GALNT1: variants seen among roughly 807,000 people sequenced by gnomAD.
GALNT1 encodes GalNAc transferase 1.
In GALNT1, 17 loss-of-function variants were observed where a neutral mutation model predicts 65.7. That is an observed-to-expected ratio of 0.26 (90% CI 0.18 to 0.39). GALNT1 has a LOEUF of 0.39. Ranked by LOEUF, GALNT1 falls within the 10% of genes least tolerant of loss-of-function variation. GALNT1 has a pLI of 1.00. For missense variants in GALNT1, 460 were observed against 672.8 expected (o/e 0.68, Z 3.50); for synonymous variants, 210 against 219.7 (o/e 0.96, Z 0.39).
At chr18:35,646,075 A>C (rs1484270419) in intron 1 of GALNT1, among the ~76,000 whole-genome samples, 5 of 152,164 alleles carry the variant, frequency 3.3e-5, no homozygotes, top group Non-Finnish European at 7.3e-5. Context: ...CCACGGGCTT[A>C]CCAGGAAGCA....
chr18:35,610,156 G>T (rs1282149551), intron 1 of GALNT1, among the ~76,000 whole-genome samples: 3 of 152,196 alleles, frequency 2.0e-5, no homozygotes, highest in African/African-American at 7.2e-5. Flanking sequence ...TAATTGGGCA[G>T]CTGGGAGTGG....
At chr18:35,679,108 A>C (rs1182262410) in intron 4 of GALNT1, among the ~76,000 whole-genome samples, 1 of 152,188 alleles carries the variant, frequency 6.6e-6, no homozygotes, top group East Asian at 1.9e-4. Context: ...GTAAAGAAAT[A>C]ATTGTTGACA....
intron 5 of GALNT1, among the ~76,000 whole-genome samples, chr18:35,686,735 CAAAA>C (rs1180700342): frequency 6.7e-6 from 1 of 150,054 alleles, no homozygotes; most frequent in Non-Finnish European, 1.5e-5. Context: ...ATATAAAAAA[CAAAA>C]AAAAAATTTT....
intron 9 of GALNT1, among the ~76,000 whole-genome samples, chr18:35,694,365 AAAAG>A (rs758429358): frequency 6.6e-6 from 1 of 152,210 alleles, no homozygotes; most frequent in South Asian, 2.1e-4. Context: ...TTAAAGATGC[AAAAG>A]AAAGAGCCAA....
rs901371795 is a variant in GALNT1, at chr18:35,711,256, T to C, written c.*1486T>C. Reference sequence around the variant, plus strand: ...TTGGCAAAAATGCATATATTTTCTTTCATATTTGTAAAATTATATTTAATG... The same window carrying C: ...TTGGCAAAAATGCATATATTTTCTTCCATATTTGTAAAATTATATTTAATG... On this transcript the variant is annotated 3_prime_UTR_variant, in exon 12 of 12. Coordinates refer to ENST00000269195, the MANE Select transcript of GALNT1 (RefSeq NM_020474.4). 2.0e-5 allele frequency: 3 copies of C among 152,578 alleles called. No individual in the cohort carries two copies. The highest frequency in any genetic ancestry group is 2.9e-5 in the Non-Finnish European group (2 of 68,030). 9.5% of individuals were successfully genotyped at this position (152,578 alleles called of 1,614,324 possible). A position where few individuals can be genotyped will look rare whatever the true frequency, so the allele number is the denominator to read the frequency against.
At chr18:35,699,201 C>A (rs2048114396) in intron 9 of GALNT1, among the ~76,000 whole-genome samples, 1 of 152,162 alleles carries the variant, frequency 6.6e-6, no homozygotes, top group Non-Finnish European at 1.5e-5. Context: ...ATTATCATAA[C>A]ATAATTCATA....
At chr18:35,613,869 G>C (rs1568015841) in intron 1 of GALNT1, among the ~76,000 whole-genome samples, 1 of 142,006 alleles carries the variant, frequency 7.0e-6, no homozygotes, top group African/African-American at 2.8e-5. Context: ...CTACCTTAAT[G>C]GTGGGGGAAA....
intron 1 of GALNT1, among the ~76,000 whole-genome samples, chr18:35,582,899 G>T (rs1176770266): frequency 3.3e-5 from 5 of 152,170 alleles, no homozygotes. Flanking sequence ...AACCACATGT[G>T]ACTATTAAAA....
At chr18:35,620,878 T>C (rs2144105801) in intron 1 of GALNT1, among the ~76,000 whole-genome samples, 1 of 152,146 alleles carries the variant, frequency 6.6e-6, no homozygotes, top group African/African-American at 2.4e-5. Context: ...GAAGTGAAAT[T>C]AGTGAGTGAT....
intron 6 of GALNT1, among the ~76,000 whole-genome samples, chr18:35,687,572 A>T (rs923143521): frequency 6.6e-6 from 1 of 152,198 alleles, no homozygotes; most frequent in African/African-American, 2.4e-5. Context: ...TAAAATGTAC[A>T]ATTTTAAATT....
upstream of GALNT1, chr18:35,581,613 GC>G (rs2046315894): frequency 6.2e-5 from 4 of 64,168 alleles, no homozygotes; most frequent in African/African-American, 2.5e-4. Context: ...GCCCGGAGTA[GC>G]GCCGCCCGAG....
intron 1 of GALNT1, among the ~76,000 whole-genome samples, chr18:35,622,055 A>T (rs1276955723): frequency 2.0e-5 from 3 of 152,120 alleles, no homozygotes; most frequent in African/African-American, 7.2e-5. Flanking sequence ...TTGCTCTTCC[A>T]TGTAATTTTA....
At chr18:35,693,837 T>C (rs138345285) in intron 9 of GALNT1, among the ~76,000 whole-genome samples, 8 of 152,128 alleles carry the variant, frequency 5.3e-5, no homozygotes, top group Admixed American at 5.2e-4. Flanking sequence ...CTGTATGAGG[T>C]CACCTGAGGA....
At chr18:35,691,751 T>C (rs1217874675) in intron 8 of GALNT1, among the ~76,000 whole-genome samples, 1 of 152,190 alleles carries the variant, frequency 6.6e-6, no homozygotes, top group Admixed American at 6.5e-5. Context: ...CAGCTATAAG[T>C]CGGCCTGACA....
chr18:35,593,487 C>A (rs113022710), intron 1 of GALNT1, among the ~76,000 whole-genome samples: 1 of 152,030 alleles, frequency 6.6e-6, no homozygotes, highest in East Asian at 1.9e-4. Flanking sequence ...AGGAGCAGAA[C>A]CTATTATTAG....
At chr18:35,670,330 G>T (rs2047616470) in intron 3 of GALNT1, among the ~76,000 whole-genome samples, 1 of 151,964 alleles carries the variant, frequency 6.6e-6, no homozygotes, top group East Asian at 1.9e-4. Flanking sequence ...AAGGTTGAAG[G>T]TTTTAAGGTC....
intron 1 of GALNT1, among the ~76,000 whole-genome samples, chr18:35,619,035 A>G (rs189031559): frequency 1.3e-5 from 2 of 152,354 alleles, no homozygotes; most frequent in South Asian, 2.1e-4. Flanking sequence ...TAGAAAACAC[A>G]GCAACTTAAA....
intron 3 of GALNT1, among the ~76,000 whole-genome samples, chr18:35,665,897 A>G (rs1001159050): frequency 2.6e-5 from 4 of 152,198 alleles, no homozygotes; most frequent in Non-Finnish European, 4.4e-5. Flanking sequence ...AACCAAGGAC[A>G]AGAGAGACAT....
intron 6 of GALNT1, among the ~76,000 whole-genome samples, chr18:35,687,568 G>C (rs1013292297): frequency 6.6e-6 from 1 of 152,120 alleles, no homozygotes; most frequent in African/African-American, 2.4e-5. Flanking sequence ...GCATTAAAAT[G>C]TACAATTTTA....
Sources: allele counts gnomAD v4.1 joint callset (sites outside exome capture counted in the v4.1 genomes callset), GRCh38; gene constraint gnomAD v4.1.1; transcripts MANE v1.5; gene names NCBI Gene and HGNC (gene_info 2026-07-23, HGNC 2026-07-21).